The following AUTS2 variants were observed in gnomAD, a reference collection of about 807,000 sequenced individuals.
AUTS2 encodes the protein autism susceptibility gene 2 protein.
In AUTS2, 17 loss-of-function variants were observed where a neutral mutation model predicts 112.4. That is an observed-to-expected ratio of 0.15 (90% confidence interval 0.10 to 0.23). The LOEUF (loss-of-function observed/expected upper bound fraction) is 0.23. Among genes scored for constraint, AUTS2 ranks in the 10% least tolerant of loss-of-function variants. The pLI is 1.00. For synonymous variants in AUTS2, 751 were observed against 702.7 expected, an observed-to-expected ratio of 1.07 and a Z score of -1.09; for missense variants, 1,510 against 1,701.6, an observed-to-expected ratio of 0.89 and a Z score of 1.98.
intron 5 of AUTS2, among the ~76,000 whole-genome samples, chr7:70,515,243 C>T (rs534613385): frequency 9.1e-4 from 138 of 152,236 alleles, no homozygotes; most frequent in South Asian, 3.7e-3. Flanking sequence ...AAAAGGAAAG[C>T]AGCAGAACAG....
At chr7:70,218,113 C>G (rs1298997072) in intron 4 of AUTS2, among the ~76,000 whole-genome samples, 2 of 152,204 alleles carry the variant, frequency 1.3e-5, no homozygotes, top group Non-Finnish European at 2.9e-5. Flanking sequence ...TGCAAGAAAA[C>G]AAAGCAACTG....
intron 5 of AUTS2, among the ~76,000 whole-genome samples, chr7:70,488,349 T>C (rs35053417): frequency 1.3e-5 from 2 of 152,124 alleles, no homozygotes; most frequent in African/African-American, 2.4e-5. Flanking sequence ...GGTGCCCTCA[T>C]GGAGGCCGGG....
At chr7:69,811,104 C>T (rs1012023399) in intron 1 of AUTS2, among the ~76,000 whole-genome samples, 8 of 152,192 alleles carry the variant, frequency 5.3e-5, no homozygotes, top group Middle Eastern at 3.4e-3. Context: ...GTTCTCTGGC[C>T]AGAGTGTTTT....
At chr7:70,714,479 A>C (rs1261996383) in intron 6 of AUTS2, among the ~76,000 whole-genome samples, 1 of 152,228 alleles carries the variant, frequency 6.6e-6, no homozygotes, top group African/African-American at 2.4e-5. Flanking sequence ...GTAATTCCTC[A>C]GTGTCATCTG....
At chr7:70,374,911 G>A (rs969465895) in intron 4 of AUTS2, among the ~76,000 whole-genome samples, 18 of 152,304 alleles carry the variant, frequency 1.2e-4, no homozygotes, top group Middle Eastern at 3.4e-3. Flanking sequence ...ATACTCTGCA[G>A]ATGGGAAACT....
At chr7:70,317,662 G>A (rs1267687423) in intron 4 of AUTS2, among the ~76,000 whole-genome samples, 2 of 152,112 alleles carry the variant, frequency 1.3e-5, no homozygotes, top group African/African-American at 4.8e-5. Context: ...AGCATGAGTG[G>A]GCACAAGCAT....
chr7:70,325,009 A>G (rs1790421232), intron 4 of AUTS2, among the ~76,000 whole-genome samples: 1 of 152,058 alleles, frequency 6.6e-6, no homozygotes, highest in South Asian at 2.1e-4. Context: ...AACCCACACA[A>G]CTCAGGAGAG....
At chr7:70,664,715 C>T (rs1436787798) in intron 5 of AUTS2, among the ~76,000 whole-genome samples, 2 of 152,160 alleles carry the variant, frequency 1.3e-5, no homozygotes, top group East Asian at 3.9e-4. Context: ...ATGGATGCTG[C>T]TGCTAGACCA....
intron 1 of AUTS2, among the ~76,000 whole-genome samples, chr7:69,780,010 C>T (rs1024058140): frequency 2.0e-5 from 3 of 151,934 alleles, no homozygotes; most frequent in African/African-American, 7.2e-5. Flanking sequence ...TGTATGCCAC[C>T]ATGCCCAACT....
intron 6 of AUTS2, among the ~76,000 whole-genome samples, chr7:70,703,818 C>A (rs1004298788): frequency 1.3e-5 from 2 of 152,086 alleles, no homozygotes; most frequent in African/African-American, 2.4e-5. Flanking sequence ...TCCCTCTGGA[C>A]CTTCTTTGTA....
chr7:70,094,478 G>A (rs897695581), intron 2 of AUTS2, among the ~76,000 whole-genome samples: 5 of 152,194 alleles, frequency 3.3e-5, no homozygotes, highest in African/African-American at 1.2e-4. Context: ...TGATTTGAAA[G>A]TTAAAAACCG....
At chr7:70,484,567 A>G (rs1797912482) in intron 5 of AUTS2, among the ~76,000 whole-genome samples, 1 of 152,134 alleles carries the variant, frequency 6.6e-6, no homozygotes, top group Non-Finnish European at 1.5e-5. Context: ...AGGGATAATT[A>G]TGCCCTCCCC....
chr7:70,685,270 C>T (rs1300755480), intron 5 of AUTS2, among the ~76,000 whole-genome samples: 2 of 151,680 alleles, frequency 1.3e-5, no homozygotes, highest in Non-Finnish European at 2.9e-5. Flanking sequence ...GTCGGGAGTT[C>T]GAGACCAGCC....
intron 5 of AUTS2, among the ~76,000 whole-genome samples, chr7:70,696,152 C>T (rs993888231): frequency 6.6e-6 from 1 of 152,162 alleles, no homozygotes; most frequent in Non-Finnish European, 1.5e-5. Context: ...TACAAATGCC[C>T]TAAAACCCTA....
chr7:70,622,226 G>A (rs935058535), intron 5 of AUTS2, among the ~76,000 whole-genome samples: 11 of 151,946 alleles, frequency 7.2e-5, no homozygotes, highest in African/African-American at 2.2e-4. Context: ...TTTCTCTGTC[G>A]TCTCTTACAA....
chr7:70,233,249 C>G (rs1348879422), intron 4 of AUTS2, among the ~76,000 whole-genome samples: 2 of 152,204 alleles, frequency 1.3e-5, no homozygotes, highest in Non-Finnish European at 2.9e-5. Context: ...ACCACGTCAT[C>G]CAACACATGT....
intron 5 of AUTS2, among the ~76,000 whole-genome samples, chr7:70,593,850 T>G (rs1415690782): frequency 3.9e-5 from 6 of 152,030 alleles, no homozygotes; most frequent in Non-Finnish European, 7.4e-5. Context: ...AGCTCCCATT[T>G]CCCCAGAATG....
At chr7:69,894,870 C>CA (rs2129539799) in intron 1 of AUTS2, among the ~76,000 whole-genome samples, 1 of 152,238 alleles carries the variant, frequency 6.6e-6, no homozygotes, top group South Asian at 2.1e-4. Context: ...ATCTTATTTT[C>CA]AAAAAATTCT....
intron 5 of AUTS2, among the ~76,000 whole-genome samples, chr7:70,594,858 T>G (rs1392507034): frequency 6.6e-6 from 1 of 152,068 alleles, no homozygotes; most frequent in Non-Finnish European, 1.5e-5. Flanking sequence ...TCCCAGCACT[T>G]TGGAAGGCCG....
Sources: allele counts gnomAD v4.1 joint callset (sites outside exome capture counted in the v4.1 genomes callset), GRCh38; gene constraint gnomAD v4.1.1; transcripts MANE v1.5; gene names NCBI Gene and HGNC (gene_info 2026-07-23, HGNC 2026-07-21).